NOMO1: variants seen among roughly 807,000 people sequenced by gnomAD.
NOMO1 encodes the protein nodal modulator 3.
NOMO1 carries 40 observed loss-of-function variants against 133.8 expected under a neutral mutation model. The ratio of observed to expected loss-of-function variants is 0.30; its 90% CI spans 0.23 to 0.39. The LOEUF is 0.39. Among genes scored for constraint, NOMO1 ranks in the 10% least tolerant of loss-of-function variants. The probability of loss-of-function intolerance (pLI) is 1.00; values close to 1 mark genes in which losing one functional copy is unlikely to be tolerated. For missense variants in NOMO1, 462 were observed against 1,419.9 expected (o/e 0.33, Z 10.84); for synonymous variants, 236 against 570.5 (o/e 0.41, Z 8.36).
chr16:14,892,253 A>AG (rs1964415418), intron 29 of NOMO1, among the ~76,000 whole-genome samples: 1 of 151,814 alleles, frequency 6.6e-6, no homozygotes, highest in African/African-American at 2.4e-5. Flanking sequence ...AAAAAAAAAA[A>AG]AGAAAGTGCC....
Position 14,866,700 on chromosome 16 carries a change from G to C in NOMO1, c.1806+9G>C. The C allele has an allele frequency of 6.2e-7, 1 of 1,609,866 alleles. No homozygotes were observed. Among genetic ancestry groups the C allele is most frequent in the African/African-American group, 1.4e-5 (1 of 73,652 alleles). On this transcript the variant is annotated intron_variant, in intron 15 of 30. Coordinates refer to ENST00000287667, the MANE Select transcript of NOMO1 (RefSeq NM_014287.4). ...CTCACGCCATCACTCTGGTATGTACGGCTTATTGAGTCTCTTATTTGGAAA... is the reference window on the plus strand; with the variant it reads ...CTCACGCCATCACTCTGGTATGTACCGCTTATTGAGTCTCTTATTTGGAAA...
chr16:14,866,764 C>T, intron 15 of NOMO1, 73 bp downstream of exon 15: 1 of 1,609,078 alleles, frequency 6.2e-7, no homozygotes, highest in Non-Finnish European at 8.5e-7. Flanking sequence ...ACTAACATCC[C>T]AGGAATATTG....
chr16:14,856,644 T>G (rs1284065657), intron 9 of NOMO1, among the ~76,000 whole-genome samples: 3 of 151,930 alleles, frequency 2.0e-5, no homozygotes, highest in Admixed American at 6.6e-5. Flanking sequence ...ACTCCTGACC[T>G]CAAGTGATCT....
chr16:14,882,480 G>C, intron 25 of NOMO1, 114 bp from the exon 26 acceptor site: 1 of 1,303,396 alleles, frequency 7.7e-7, no homozygotes, highest in African/African-American at 1.5e-5. Flanking sequence ...ATTAGGAAAT[G>C]AGGGGAGAGA....
chr16:14,864,679 C>T lies in NOMO1; in HGVS notation c.1490C>T (p.Ala497Val). 6.2e-7 allele frequency: 1 copy of T among 1,613,048 alleles called. No individual in the cohort carries two copies. Among genetic ancestry groups the T allele is most frequent in the Non-Finnish European group, 8.5e-7 (1 of 1,179,710 alleles). The stretch of plus-strand genomic sequence containing the variant: ...ACCAACAGGCCCATGATGGATGTGG[C>T]CTTTGTACAGTTCTTGGCATCAGTT... Reference protein sequence around the residue: ...TVTNRPMMDVAFVQFLASVSG... With the variant: ...TVTNRPMMDVVFVQFLASVSG... The change falls in exon 13 of 31, where the codon GCC (alanine) becomes GTC (valine). Residue 497 changes from alanine (A) to valine (V), a missense_variant. Transcript: ENST00000287667.
intron 20 of NOMO1, among the ~76,000 whole-genome samples, 175 bp downstream of exon 20, chr16:14,875,597 T>A (rs1393076112): frequency 9.3e-5 from 14 of 150,974 alleles, no homozygotes; most frequent in Non-Finnish European, 1.8e-4. Context: ...GGATGGATGG[T>A]TGGGTTGGAT....
In NOMO1 at chr16:14,895,832, T is replaced by G. The variant is rs1964490562; in HGVS notation, c.*187T>G. ...CATCCTCACCCCTCCGTAGAGCCCCTCGTGCAATGCAATGAATGGACCCTC... is the reference window on the plus strand; with the variant it reads ...CATCCTCACCCCTCCGTAGAGCCCCGCGTGCAATGCAATGAATGGACCCTC... On this transcript the variant is annotated 3_prime_UTR_variant, in exon 31 of 31. Coordinates refer to ENST00000287667, the MANE Select transcript of NOMO1 (RefSeq NM_014287.4). 1 of 1,563,970 alleles carries G rather than the reference T, an allele frequency of 6.4e-7. No individual in the cohort carries two copies. Among genetic ancestry groups the G allele is most frequent in the Non-Finnish European group, 8.7e-7 (1 of 1,156,042 alleles).
At chr16:14,886,620 T>G in intron 27 of NOMO1, 141 bp from the exon 28 acceptor site, 1 of 1,027,806 alleles carries the variant, frequency 9.7e-7, no homozygotes, top group Non-Finnish European at 1.5e-6. Flanking sequence ...ATGTGTGATG[T>G]CTATGGAGGG....
chr16:14,839,467 T>C (rs1194917328), intron 2 of NOMO1, among the ~76,000 whole-genome samples: 3 of 152,058 alleles, frequency 2.0e-5, no homozygotes, highest in Non-Finnish European at 2.9e-5. Flanking sequence ...CAAGCACACA[T>C]GCACATCGAT....
chr16:14,875,172 G>C lies in NOMO1; in HGVS notation c.2191G>C (p.Glu731Gln). The part of the protein sequence containing the change: ...REKNGNEEGE[E>Q]RMTKPPVQEM... ...GAAAAACGGCAATGAGGAAGGCGAA[G>C]AAAGAATGACCAAGCCTCCCGTGCA... The change falls in exon 19 of 31, where the codon GAA becomes CAA. Residue 731 changes from glutamate (E) to glutamine (Q), a missense_variant. Transcript: ENST00000287667. The C allele has an allele frequency of 2.5e-6, 4 of 1,613,802 alleles. 1 individual carries two copies. The highest frequency in any genetic ancestry group is 3.4e-6 in the Non-Finnish European group (4 of 1,179,864).
At chr16:14,877,577 C>T (rs540944289) in intron 22 of NOMO1, among the ~76,000 whole-genome samples, 50 of 152,048 alleles carry the variant, frequency 3.3e-4, no homozygotes, top group African/African-American at 1.2e-3. Context: ...AAGAAAAAGA[C>T]AACCCGCTAG....
chr16:14,881,373 G>A (rs930255356), intron 24 of NOMO1, among the ~76,000 whole-genome samples, 171 bp from the exon 25 acceptor site: 12 of 152,000 alleles, frequency 7.9e-5, no homozygotes, highest in Admixed American at 1.3e-4. Flanking sequence ...TTATCCCTCC[G>A]GCAGGAAGGT....
intron 27 of NOMO1, 127 bp downstream of exon 27, chr16:14,884,609 G>A (rs923595477): frequency 1.2e-5 from 17 of 1,388,940 alleles, no homozygotes; most frequent in East Asian, 4.6e-5. Context: ...GCTCCAGAGC[G>A]CCGCCTGCTG....
At chr16:14,839,303 G>C (rs1597090584) in intron 2 of NOMO1, among the ~76,000 whole-genome samples, 1 of 151,996 alleles carries the variant, frequency 6.6e-6, no homozygotes. Flanking sequence ...TGAACCACCT[G>C]CCTCAGCCTC....
intron 29 of NOMO1, among the ~76,000 whole-genome samples, chr16:14,891,573 A>G (rs1309402238): frequency 6.6e-6 from 1 of 151,552 alleles, no homozygotes; most frequent in Non-Finnish European, 1.5e-5. Flanking sequence ...TTACATTTAA[A>G]TCTCTCTATC....
chr16:14,855,772 T>C (rs1963824901), intron 9 of NOMO1, among the ~76,000 whole-genome samples: 1 of 152,078 alleles, frequency 6.6e-6, no homozygotes, highest in South Asian at 2.1e-4. Context: ...GTAAGTTCCC[T>C]GAGGTCAGGT....
At position 14,853,544 on chromosome 16, in the gene NOMO1, G is replaced by A. The variant is rs758903904; in HGVS notation, c.813G>A (p.Thr271=). 29 of 1,607,896 alleles carry A rather than the reference G, an allele frequency of 1.8e-5. No individual in the cohort carries two copies. The highest frequency in any genetic ancestry group is 5.0e-5 in the Admixed American group (3 of 59,542). Reference sequence around the variant, plus strand: ...AGAGTCTGGTGTATTTGTGCTACACGGTCTCCAGAGAAGATGGCTCGTTCT... The same window carrying A: ...AGAGTCTGGTGTATTTGTGCTACACAGTCTCCAGAGAAGATGGCTCGTTCT... ...QDESLVYLCY[T]VSREDGSFSF... Residue 271 remains threonine, a synonymous_variant, in exon 8 of 31, where the codon ACG becomes ACA. Transcript: ENST00000287667.
intron 27 of NOMO1, among the ~76,000 whole-genome samples, chr16:14,886,364 TG>T (rs1169096825): frequency 9.3e-5 from 13 of 139,236 alleles, no homozygotes; most frequent in African/African-American, 3.6e-4. Context: ...TTTGGCTCTC[TG>T]GGTCTCCATA....
At chr16:14,873,784 C>T (rs1964112323) in intron 18 of NOMO1, among the ~76,000 whole-genome samples, 1 of 151,788 alleles carries the variant, frequency 6.6e-6, no homozygotes, top group African/African-American at 2.4e-5. Flanking sequence ...CAGAGCCACT[C>T]GGATTCCCCC....
Sources: gnomAD v4.1 joint callset for allele counts (sites outside exome capture counted in the v4.1 genomes callset) on GRCh38, gnomAD v4.1.1 for gene constraint, MANE v1.5 for transcripts, NCBI Gene and HGNC (gene_info 2026-07-23, HGNC 2026-07-21) for gene names.